Variants in HMCN1 observed in about 807,000 individuals in gnomAD.
HMCN1 encodes the protein hemicentin-1.
HMCN1 carries 321 observed loss-of-function variants against 625.9 expected under a neutral mutation model. The observed-to-expected ratio is 0.51, with a 90% CI of 0.47 to 0.56. HMCN1 has a LOEUF of 0.56. Ranked by LOEUF, HMCN1 falls within the 20% of genes least tolerant of loss-of-function variation. The pLI is 0.00. For synonymous variants in HMCN1, 2,425 were observed against 2,417.6 expected, an observed-to-expected ratio of 1.00 and a Z score of -0.09; for missense variants, 6,588 against 6,887.3, an observed-to-expected ratio of 0.96 and a Z score of 1.54.
At chr1:185,905,698 G>C (rs1470605445) in intron 4 of HMCN1, among the ~76,000 whole-genome samples, 13 of 151,790 alleles carry the variant, frequency 8.6e-5, no homozygotes, top group South Asian at 4.1e-4. Flanking sequence ...TCTTATTTTA[G>C]AGTTGAGTAG....
intron 15 of HMCN1, 97 bp downstream of exon 15, chr1:185,970,590 A>C (rs1650743454): frequency 9.4e-7 from 1 of 1,059,962 alleles, no homozygotes; most frequent in Admixed American, 1.7e-5. Flanking sequence ...ATTATTCATC[A>C]GAATGGCAAA....
chr1:185,734,585 G>T lies in HMCN1; in HGVS notation c.-195G>T, dbSNP rs981528126. ...TCCAGACAAAAGCTGCCGCATCCCT[G>T]CCCTGCCCAACCCCTGGAGGGATTC... On this transcript the variant is annotated 5_prime_UTR_variant, in exon 1 of 107. Coordinates refer to ENST00000271588, the MANE Select transcript of HMCN1 (RefSeq NM_031935.3). 1.3e-5 allele frequency: 8 copies of T among 609,326 alleles called. No individual in the cohort carries two copies. Among genetic ancestry groups the T allele is most frequent in the South Asian group, 9.7e-5 (5 of 51,734 alleles). 37.7% of individuals were successfully genotyped at this position (609,326 alleles called of 1,614,324 possible).
At chr1:186,057,443 T>A (rs1288048743) in intron 46 of HMCN1, 42 bp downstream of exon 46, 3 of 1,334,622 alleles carry the variant, frequency 2.2e-6, no homozygotes. Context: ...GTTAGCTTCA[T>A]ACGGCTACAA....
At position 186,189,789 on chromosome 1, in the gene HMCN1, G is replaced by T; in HGVS notation, c.16819G>T (p.Val5607Phe). 1.2e-6 allele frequency: 2 copies of T among 1,613,586 alleles called. No individual in the cohort carries two copies. Among genetic ancestry groups the T allele is most frequent in the Non-Finnish European group, 8.5e-7 (1 of 1,179,796 alleles). The change falls in exon 107 of 107, where the codon GTC (valine) becomes TTC (phenylalanine). Residue 5607 changes from valine (V) to phenylalanine (F), a missense_variant. Val to Phe is a conservative substitution (Grantham distance 50). Coordinates refer to ENST00000271588, the MANE Select transcript of HMCN1 (RefSeq NM_031935.3). The part of the protein sequence containing the change: ...LREAETYRMR[V>F]RASSYSANGT... ...AGAAGCAGAGACCTACCGCATGAGGGTCCGAGCCTCATCCTACAGTGCCAA... is the reference window on the plus strand; with the variant it reads ...AGAAGCAGAGACCTACCGCATGAGGTTCCGAGCCTCATCCTACAGTGCCAA...
chr1:185,829,966 GT>G (rs1361834815), intron 1 of HMCN1, among the ~76,000 whole-genome samples: 2 of 152,094 alleles, frequency 1.3e-5, no homozygotes, highest in African/African-American at 4.8e-5. Flanking sequence ...GTATCTCATT[GT>G]GGTTTTGATT....
At chr1:186,054,273 G>A (rs113681517) in intron 44 of HMCN1, among the ~76,000 whole-genome samples, 149 of 151,942 alleles carry the variant, frequency 9.8e-4, no homozygotes, top group African/African-American at 3.4e-3. Context: ...AGGGGGAAGG[G>A]GGAGCATTTT....
intron 11 of HMCN1, among the ~76,000 whole-genome samples, chr1:185,960,037 A>G (rs1649896733): frequency 6.6e-6 from 1 of 150,644 alleles, no homozygotes. Context: ...CATTTTGACC[A>G]TTTTCATTCA....
chr1:185,996,972 C>T (rs1204170385), intron 24 of HMCN1, among the ~76,000 whole-genome samples: 2 of 152,014 alleles, frequency 1.3e-5, no homozygotes, highest in Admixed American at 1.3e-4. Flanking sequence ...GAATATCAAT[C>T]TAAAGGGGAA....
chr1:186,004,131 A>G (rs2102077546), intron 29 of HMCN1, among the ~76,000 whole-genome samples: 1 of 152,306 alleles, frequency 6.6e-6, no homozygotes, highest in South Asian at 2.1e-4. Context: ...GAAAAATGTA[A>G]GATCTAAACA....
intron 11 of HMCN1, among the ~76,000 whole-genome samples, chr1:185,939,466 AC>A (rs1334544353): frequency 6.6e-6 from 1 of 152,158 alleles, no homozygotes; most frequent in African/African-American, 2.4e-5. Context: ...TGTATACAAA[AC>A]GTGTACATGA....
chr1:185,876,220 C>T (rs899558896), intron 4 of HMCN1, among the ~76,000 whole-genome samples: 1 of 152,070 alleles, frequency 6.6e-6, no homozygotes, highest in African/African-American at 2.4e-5. Flanking sequence ...CAGCTCCCTC[C>T]ACGTTGCTGC....
rs771070461 is a variant in HMCN1 at position 185,970,415 on chromosome 1, C to A, written c.2293C>A (p.Leu765Met). ...GLLKIQETQDLDAGDYTCVAI... is the reference protein window; with the variant it reads ...GLLKIQETQDMDAGDYTCVAI... ...TTTGAAGATTCAAGAAACACAAGAT[C>A]TGGATGCTGGCGATTATACCTGTGT... The change falls in exon 15 of 107, where the codon CTG (leucine) becomes ATG (methionine). Residue 765 changes from leucine (L) to methionine (M), a missense_variant. Transcript: ENST00000271588. 1.2e-6 allele frequency: 2 copies of A among 1,613,450 alleles called. No homozygotes were observed. The highest frequency in any genetic ancestry group is 1.7e-6 in the Non-Finnish European group (2 of 1,179,396).
chr1:186,139,610 T>C (rs1041625151), intron 89 of HMCN1, among the ~76,000 whole-genome samples: 20 of 152,092 alleles, frequency 1.3e-4, no homozygotes, highest in African/African-American at 4.8e-4. Flanking sequence ...TTTTTTTTTT[T>C]TAAAGGCTTT....
At chr1:186,137,096 T>G (rs1352952058) in intron 87 of HMCN1, among the ~76,000 whole-genome samples, 159 bp downstream of exon 87, 1 of 152,204 alleles carries the variant, frequency 6.6e-6, no homozygotes, top group Non-Finnish European at 1.5e-5. Context: ...TTGAAGGGCC[T>G]AAACCAACAC....
At chr1:185,831,284 A>C (rs554251088) in intron 1 of HMCN1, among the ~76,000 whole-genome samples, 2 of 152,294 alleles carry the variant, frequency 1.3e-5, no homozygotes, top group South Asian at 2.1e-4. Flanking sequence ...AGGGAAGAAC[A>C]CATGATTATA....
At chr1:185,884,246 A>T (rs7541361) in intron 4 of HMCN1, among the ~76,000 whole-genome samples, 22,664 of 151,800 alleles carry the variant, frequency 0.15, 5,514 homozygotes, top group African/African-American at 0.51. Context: ...GGAATTTTTA[A>T]CTTATTTATC....
rs779587543 is a variant in HMCN1, at chr1:186,189,603, A to T, written c.16633A>T (p.Ile5545Leu). The part of the protein sequence containing the change: ...EYKLVSLPFG[I>L]ATNQDLIRLV... ...CAAACTCGTCTCCCTCCCATTTGGA[A>T]TAGCCACCAATCAAGATTTAATCCG... The change falls in exon 107 of 107, where the codon ATA (isoleucine) becomes TTA (leucine). Residue 5545 changes from isoleucine to leucine, a missense_variant. Transcript: ENST00000271588. 3 of 1,613,562 alleles carry T rather than the reference A, an allele frequency of 1.9e-6. No homozygotes were observed. The highest frequency in any genetic ancestry group is 2.5e-6 in the Non-Finnish European group (3 of 1,179,654).
chr1:186,097,737 A>G (rs1660200494), intron 68 of HMCN1, among the ~76,000 whole-genome samples: 2 of 152,164 alleles, frequency 1.3e-5, no homozygotes, highest in African/African-American at 2.4e-5. Context: ...AAGACTCCAA[A>G]TAACCAAAGC....
chr1:186,159,631 T>G (rs140977997), intron 97 of HMCN1, among the ~76,000 whole-genome samples: 11,664 of 152,094 alleles, frequency 0.077, 1,166 homozygotes, highest in African/African-American at 0.23. Flanking sequence ...TAGCATGAAG[T>G]GTTGTTGAAT....
Sources: gnomAD v4.1 joint callset for allele counts (sites outside exome capture counted in the v4.1 genomes callset) on GRCh38, gnomAD v4.1.1 for gene constraint, MANE v1.5 for transcripts, NCBI Gene and HGNC (gene_info 2026-07-23, HGNC 2026-07-21) for gene names.